GALNTL6: variants seen among roughly 807,000 people sequenced by gnomAD.
The protein encoded by GALNTL6 is polypeptide N-acetylgalactosaminyltransferase-like 6.
A neutral mutation model predicts 73.7 loss-of-function variants in GALNTL6; 46 were observed. That is an observed-to-expected ratio of 0.62 (90% confidence interval 0.49 to 0.80). The LOEUF (loss-of-function observed/expected upper bound fraction) is 0.80, where lower values mean the gene tolerates loss of function less well. GALNTL6 is among the 30% of genes least tolerant of loss of function. The pLI is 0.00. For synonymous variants in GALNTL6, 259 were observed against 263.7 expected (o/e 0.98, Z 0.17); for missense variants, 604 against 755.0 (o/e 0.80, Z 2.34).
At chr4:172,676,582 T>A (rs563258179) in intron 5 of GALNTL6, among the ~76,000 whole-genome samples, 3 of 152,322 alleles carry the variant, frequency 2.0e-5, no homozygotes, top group Admixed American at 2.0e-4. Context: ...TCCGCTTTCT[T>A]ATACAAAACA....
chr4:172,338,549 T>C (rs1741429626), intron 4 of GALNTL6, among the ~76,000 whole-genome samples: 1 of 152,118 alleles, frequency 6.6e-6, no homozygotes. Context: ...TCACCCAACT[T>C]CTGTTGGGTG....
intron 7 of GALNTL6, among the ~76,000 whole-genome samples, chr4:172,868,092 G>T (rs1420537468): frequency 6.6e-6 from 1 of 152,204 alleles, no homozygotes; most frequent in East Asian, 1.9e-4. Context: ...TGAATAGAAT[G>T]AGCTACATGC....
intron 2 of GALNTL6, among the ~76,000 whole-genome samples, chr4:172,181,545 G>T (rs1263742853): frequency 2.6e-5 from 4 of 152,176 alleles, no homozygotes; most frequent in Non-Finnish European, 5.9e-5. Flanking sequence ...CACAAGACAA[G>T]GATGCCCTCT....
At chr4:171,822,920 C>T (rs1034024684) in intron 2 of GALNTL6, among the ~76,000 whole-genome samples, 1 of 152,182 alleles carries the variant, frequency 6.6e-6, no homozygotes, top group Admixed American at 6.5e-5. Context: ...TGTGGTCCCA[C>T]TCTAAGTCGT....
At chr4:172,474,516 C>T (rs976325303) in intron 5 of GALNTL6, among the ~76,000 whole-genome samples, 1 of 152,124 alleles carries the variant, frequency 6.6e-6, no homozygotes, top group Non-Finnish European at 1.5e-5. Flanking sequence ...GTACAGAAAA[C>T]ATTTGTTGAA....
At chr4:171,821,308 C>T (rs1346175812) in intron 2 of GALNTL6, among the ~76,000 whole-genome samples, 3 of 152,052 alleles carry the variant, frequency 2.0e-5, no homozygotes, top group African/African-American at 4.8e-5. Context: ...CCCGAAGTGC[C>T]GGGATTGCAA....
At chr4:172,885,710 T>C (rs1439697124) in intron 8 of GALNTL6, among the ~76,000 whole-genome samples, 2 of 152,210 alleles carry the variant, frequency 1.3e-5, no homozygotes, top group Non-Finnish European at 2.9e-5. Context: ...ATATGGCTGT[T>C]ATCATATTGA....
At chr4:172,334,530 C>A (rs1741241335) in intron 4 of GALNTL6, among the ~76,000 whole-genome samples, 1 of 151,976 alleles carries the variant, frequency 6.6e-6, no homozygotes, top group East Asian at 1.9e-4. Flanking sequence ...TTCTCGATTT[C>A]TTCTTTGGTG....
intron 5 of GALNTL6, among the ~76,000 whole-genome samples, chr4:172,671,316 C>A (rs1227628484): frequency 6.6e-6 from 1 of 152,046 alleles, no homozygotes; most frequent in Non-Finnish European, 1.5e-5. Flanking sequence ...TGTGTTATCT[C>A]CGATTTCTTT....
intron 2 of GALNTL6, among the ~76,000 whole-genome samples, chr4:172,074,224 A>T (rs774533594): frequency 3.3e-5 from 5 of 152,216 alleles, no homozygotes; most frequent in African/African-American, 7.2e-5. Flanking sequence ...TAGCTTCCTT[A>T]ACAATGTTCA....
intron 5 of GALNTL6, among the ~76,000 whole-genome samples, chr4:172,768,808 T>A (rs1168427526): frequency 6.6e-6 from 1 of 152,014 alleles, no homozygotes; most frequent in Non-Finnish European, 1.5e-5. Context: ...TTTTTTAGGG[T>A]CTTATCAGCT....
chr4:172,472,258 A>AATT (rs1255694352), intron 5 of GALNTL6, among the ~76,000 whole-genome samples: 1 of 152,140 alleles, frequency 6.6e-6, no homozygotes, highest in Non-Finnish European at 1.5e-5. Flanking sequence ...TTGGGATGTG[A>AATT]ATTATTATTA....
At chr4:172,607,616 A>T (rs1481869990) in intron 5 of GALNTL6, among the ~76,000 whole-genome samples, 2 of 152,166 alleles carry the variant, frequency 1.3e-5, no homozygotes, top group Non-Finnish European at 2.9e-5. Context: ...GTGTATAGCC[A>T]ATAATGGGGT....
intron 3 of GALNTL6, among the ~76,000 whole-genome samples, chr4:172,251,132 G>A (rs1318982328): frequency 6.6e-6 from 1 of 152,116 alleles, no homozygotes; most frequent in Non-Finnish European, 1.5e-5. Flanking sequence ...GTTTGGTTAA[G>A]TCCAAAATCT....
intron 3 of GALNTL6, among the ~76,000 whole-genome samples, chr4:172,264,124 A>G (rs62332764): frequency 0.032 from 4,925 of 151,728 alleles, 121 homozygotes; most frequent in South Asian, 0.058. Context: ...ACAGAGATAA[A>G]GAAGGCCTGG....
At chr4:172,446,417 G>A (rs1477901753) in intron 5 of GALNTL6, among the ~76,000 whole-genome samples, 1 of 152,110 alleles carries the variant, frequency 6.6e-6, no homozygotes, top group Non-Finnish European at 1.5e-5. Context: ...GAAAGTCACA[G>A]AATATATTAC....
chr4:172,072,969 C>T (rs748896275), intron 2 of GALNTL6, among the ~76,000 whole-genome samples: 10 of 152,282 alleles, frequency 6.6e-5, no homozygotes, highest in East Asian at 3.9e-4. Context: ...CAAGACCCAA[C>T]GTGATCTTAT....
chr4:173,000,480 C>T (rs1164135262), intron 10 of GALNTL6, among the ~76,000 whole-genome samples: 9 of 152,146 alleles, frequency 5.9e-5, no homozygotes, highest in Middle Eastern at 3.4e-3. Flanking sequence ...GGTGATACTA[C>T]GCAAAGTGAT....
At chr4:173,012,080 C>A (rs1221515716) in intron 11 of GALNTL6, among the ~76,000 whole-genome samples, 1 of 152,162 alleles carries the variant, frequency 6.6e-6, no homozygotes, top group Non-Finnish European at 1.5e-5. Context: ...ACCCTTTTCA[C>A]TGTTTTAATT....
Sources: allele counts gnomAD v4.1 joint callset (sites outside exome capture counted in the v4.1 genomes callset), GRCh38; gene constraint gnomAD v4.1.1; transcripts MANE v1.5; gene names NCBI Gene and HGNC (gene_info 2026-07-23, HGNC 2026-07-21).